The following XRN2 variants were observed in gnomAD, a reference collection of about 807,000 sequenced individuals.
The protein encoded by XRN2 is DHM1-like protein.
In XRN2, 44 loss-of-function variants were observed where a neutral mutation model predicts 138.5. The observed-to-expected ratio is 0.32, with a 90% CI of 0.25 to 0.41. XRN2 has a LOEUF of 0.41. XRN2 is among the 10% of genes least tolerant of loss of function. The probability of loss-of-function intolerance (pLI) is 1.00; values close to 1 mark genes in which losing one functional copy is unlikely to be tolerated. For synonymous variants in XRN2, 354 were observed against 369.4 expected (o/e 0.96, Z 0.48); for missense variants, 937 against 1,169.3 (o/e 0.80, Z 2.90).
intron 28 of XRN2, among the ~76,000 whole-genome samples, chr20:21,383,660 C>T (rs1351088193): frequency 2.0e-5 from 3 of 152,126 alleles, no homozygotes; most frequent in Non-Finnish European, 2.9e-5. Context: ...ACTTCTAAGG[C>T]CCCAACAGCT....
intron 17 of XRN2, among the ~76,000 whole-genome samples, chr20:21,347,298 A>C (rs569190644): frequency 6.6e-6 from 1 of 152,378 alleles, no homozygotes; most frequent in East Asian, 1.9e-4. Flanking sequence ...CATGAAGCAC[A>C]TTCTAATTGG....
At chr20:21,381,413 T>C (rs1265371893) in intron 27 of XRN2, among the ~76,000 whole-genome samples, 3 of 152,236 alleles carry the variant, frequency 2.0e-5, no homozygotes, top group South Asian at 2.1e-4. Flanking sequence ...AGTTAGATGA[T>C]GTTGCTAGTT....
At chr20:21,356,392 C>T (rs2038576356) in intron 22 of XRN2, among the ~76,000 whole-genome samples, 194 bp from the exon 23 acceptor site, 1 of 152,006 alleles carries the variant, frequency 6.6e-6, no homozygotes, top group Non-Finnish European at 1.5e-5. Context: ...AATAATGTAT[C>T]AGAATTTCAT....
chr20:21,383,527 G>A (rs1260459852), intron 28 of XRN2, among the ~76,000 whole-genome samples: 2 of 152,114 alleles, frequency 1.3e-5, no homozygotes, highest in Admixed American at 1.3e-4. Flanking sequence ...GCTTACCTAA[G>A]GTCACTCTTT....
intron 1 of XRN2, among the ~76,000 whole-genome samples, chr20:21,320,688 G>A (rs764109018): frequency 6.6e-5 from 10 of 152,010 alleles, no homozygotes; most frequent in Non-Finnish European, 1.5e-4. Flanking sequence ...TCCATCTCCC[G>A]GGTTCAAGCG....
chr20:21,384,525 C>CT (rs2038917495), intron 28 of XRN2, among the ~76,000 whole-genome samples: 1 of 152,146 alleles, frequency 6.6e-6, no homozygotes, highest in Admixed American at 6.5e-5. Context: ...AGGTCTCACT[C>CT]TGTCACCCAG....
intron 19 of XRN2, among the ~76,000 whole-genome samples, chr20:21,349,118 C>T (rs1359066997): frequency 7.9e-5 from 12 of 152,124 alleles, no homozygotes; most frequent in South Asian, 6.2e-4. Flanking sequence ...TGTTAGAGTA[C>T]GTAAACCCTT....
At chr20:21,341,413 T>A (rs1600693837) in intron 15 of XRN2, among the ~76,000 whole-genome samples, 1 of 152,246 alleles carries the variant, frequency 6.6e-6, no homozygotes, top group Admixed American at 6.5e-5. Context: ...TAGCACTTAC[T>A]GGTTACTCCC....
At chr20:21,373,803 G>A (rs1484450219) in intron 27 of XRN2, among the ~76,000 whole-genome samples, 2 of 152,122 alleles carry the variant, frequency 1.3e-5, no homozygotes, top group Non-Finnish European at 2.9e-5. Flanking sequence ...TTCAAGGTTT[G>A]TGTGGTTTTT....
chr20:21,364,804 CAAAA>C (rs55958227), intron 24 of XRN2, among the ~76,000 whole-genome samples: 5 of 95,492 alleles, frequency 5.2e-5, no homozygotes, highest in African/African-American at 8.2e-5. Context: ...AGACCTGTCT[CAAAA>C]AAAAAAAAAA....
intron 24 of XRN2, among the ~76,000 whole-genome samples, chr20:21,363,659 A>G (rs1482324189): frequency 6.6e-6 from 1 of 152,194 alleles, no homozygotes; most frequent in Non-Finnish European, 1.5e-5. Context: ...GTGTACTTAA[A>G]ATGAAAATTT....
intron 27 of XRN2, among the ~76,000 whole-genome samples, chr20:21,378,609 A>G (rs1311932531): frequency 6.6e-6 from 1 of 152,270 alleles, no homozygotes; most frequent in Non-Finnish European, 1.5e-5. Context: ...TACGTTGTAC[A>G]TAATAAGTAC....
rs759500861 is a variant in XRN2 at position 21,303,344 on chromosome 20, T to C, written c.-55T>C. The C allele has an allele frequency of 1.4e-4, 212 of 1,535,340 alleles. No individual in the cohort carries two copies. The highest frequency in any genetic ancestry group is 1.5e-4 in the Non-Finnish European group (169 of 1,140,048). On this transcript the variant is annotated 5_prime_UTR_variant, in exon 1 of 30. Transcript: ENST00000377191. ...CTGGTGCCCTCTGCCGCTGCTCCCG[T>C]CTCTTTGGTTACGCTCGTCAGCCGG... is the stretch of plus-strand genomic sequence containing the variant.
intron 1 of XRN2, among the ~76,000 whole-genome samples, chr20:21,317,677 C>T (rs532281970): frequency 1.4e-3 from 220 of 152,196 alleles, no homozygotes; most frequent in Middle Eastern, 6.8e-3. Flanking sequence ...ATACCTGGTA[C>T]AATGTAAATG....
At chr20:21,386,763 G>A (rs2038940113) in intron 28 of XRN2, 105 bp from the exon 29 acceptor site, 2 of 1,400,620 alleles carry the variant, frequency 1.4e-6, no homozygotes, top group Non-Finnish European at 2.0e-6. Context: ...GATAAATCCA[G>A]GTAAATTGGA....
intron 1 of XRN2, 23 bp downstream of exon 1, chr20:21,303,496 C>T: frequency 6.5e-7 from 1 of 1,536,036 alleles, no homozygotes. Context: ...CAGGCGGCCG[C>T]CACACTCGAG....
chr20:21,314,766 A>G (rs1414120314), intron 1 of XRN2, among the ~76,000 whole-genome samples: 4 of 152,104 alleles, frequency 2.6e-5, no homozygotes, highest in Non-Finnish European at 4.4e-5. Flanking sequence ...TGAGGGTTCC[A>G]ATTTTTCCAC....
intron 19 of XRN2, 30 bp downstream of exon 19, chr20:21,348,460 G>A (rs1259480298): frequency 6.3e-7 from 1 of 1,589,050 alleles, no homozygotes; most frequent in East Asian, 2.2e-5. Flanking sequence ...GTGTGTGGGT[G>A]ACAGGATTTT....
chr20:21,341,699 T>G (rs1228243027), intron 15 of XRN2, among the ~76,000 whole-genome samples: 1 of 152,226 alleles, frequency 6.6e-6, no homozygotes, highest in African/African-American at 2.4e-5. Context: ...GCTTGGATAT[T>G]TAATTTCTGT....
Sources: allele counts gnomAD v4.1 joint callset (sites outside exome capture counted in the v4.1 genomes callset), GRCh38; gene constraint gnomAD v4.1.1; transcripts MANE v1.5; gene names NCBI Gene and HGNC (gene_info 2026-07-23, HGNC 2026-07-21).